The following DENND1B variants were observed in gnomAD, a reference collection of about 807,000 sequenced individuals.
DENND1B encodes DENN domain-containing protein 1B.
DENND1B carries 59 observed loss-of-function variants against 90.1 expected under a neutral mutation model. The observed-to-expected ratio is 0.65, with a 90% CI of 0.53 to 0.81. The LOEUF (loss-of-function observed/expected upper bound fraction) is 0.81, where lower values mean the gene tolerates loss of function less well. Ranked by LOEUF, DENND1B falls within the 40% of genes least tolerant of loss-of-function variation. The probability of loss-of-function intolerance (pLI) is 0.00; values close to 1 mark genes in which losing one functional copy is unlikely to be tolerated. For synonymous variants in DENND1B, 337 were observed against 324.6 expected, an observed-to-expected ratio of 1.04 and a Z score of -0.41; for missense variants, 862 against 912.6, an observed-to-expected ratio of 0.94 and a Z score of 0.71.
intron 14 of DENND1B, among the ~76,000 whole-genome samples, chr1:197,592,228 T>G (rs1164889428): frequency 6.6e-6 from 1 of 151,750 alleles, no homozygotes; most frequent in Non-Finnish European, 1.5e-5. Flanking sequence ...GCCCCACTCT[T>G]CACTAGCTAG....
chr1:197,619,013 A>C (rs549390535), intron 10 of DENND1B, among the ~76,000 whole-genome samples: 2 of 151,360 alleles, frequency 1.3e-5, no homozygotes, highest in South Asian at 4.2e-4. Flanking sequence ...TTTTATTCAA[A>C]GTATATGCAT....
chr1:197,593,364 A>G lies in DENND1B; in HGVS notation c.1047+1844T>C, dbSNP rs1675406289. ...AATGAAAATACTCCTAAAAAAAAAA[A>G]AACTAGCAGCAGAAATGAAAACAGG... On this transcript the variant is annotated intron_variant, in intron 14 of 22. Transcript: ENST00000620048. 2.0e-5 allele frequency among the ~76,000 whole-genome samples: 3 copies of G among 151,736 alleles called. No homozygotes were observed. The South Asian group carries it at 6.2e-4, about 31-fold the overall frequency.
intron 19 of DENND1B, among the ~76,000 whole-genome samples, chr1:197,540,508 T>C (rs906703799): frequency 1.3e-5 from 2 of 152,130 alleles, no homozygotes; most frequent in Non-Finnish European, 2.9e-5. Context: ...GCAATATTCA[T>C]AACTTAAATA....
chr1:197,609,337 A>C (rs1201587504), intron 12 of DENND1B, among the ~76,000 whole-genome samples: 3 of 150,640 alleles, frequency 2.0e-5, no homozygotes, highest in African/African-American at 7.3e-5. Flanking sequence ...GAAATGACAT[A>C]GTGGCAGCAA....
Position 197,679,858 on chromosome 1 carries a change from G to C in DENND1B, c.127-5689C>G, listed in dbSNP as rs1656490119. Among the ~76,000 whole-genome samples, 2 of 115,602 alleles carry C rather than the reference G, an allele frequency of 1.7e-5. 1 individual carries two copies. Among genetic ancestry groups the C allele is most frequent in the South Asian group, 6.3e-4 (2 of 3,190 alleles). The allele number at this position is 115,602 out of a possible 152,430, so 75.8% of individuals were successfully genotyped here. A position where few individuals can be genotyped will look rare whatever the true frequency, so the allele number is the denominator to read the frequency against. ...AATTCTATTAAAAACTGTCTTCAAA[G>C]TTATGCCCCAGCCAGGCATGGTGGC... is the stretch of plus-strand genomic sequence containing the variant. On this transcript the variant is annotated intron_variant, in intron 3 of 22. Coordinates refer to ENST00000620048, the MANE Select transcript of DENND1B (RefSeq NM_001195215.2).
At chr1:197,676,323 C>T (rs984385494) in intron 3 of DENND1B, among the ~76,000 whole-genome samples, 5 of 152,048 alleles carry the variant, frequency 3.3e-5, no homozygotes, top group African/African-American at 1.2e-4. Context: ...TATGGATCCT[C>T]TTAGCAATAG....
chr1:197,742,317 T>C (rs1006353336), intron 2 of DENND1B, among the ~76,000 whole-genome samples: 8 of 152,214 alleles, frequency 5.3e-5, no homozygotes, highest in African/African-American at 1.9e-4. Flanking sequence ...TAGTCTCATA[T>C]TTCTACTGTG....
rs1269155802 is a variant in DENND1B at position 197,510,386 on chromosome 1, C to G, written c.*74G>C. The G allele has an allele frequency of 2.8e-6, 4 of 1,452,546 alleles. No individual in the cohort carries two copies. The Admixed American group carries it at 1.0e-4, about 37-fold the overall frequency. The allele number at this position is 1,452,546 out of a possible 1,614,324, so 90.0% of individuals were successfully genotyped here. A position where few individuals can be genotyped will look rare whatever the true frequency, so the allele number is the denominator to read the frequency against. On this transcript the variant is annotated 3_prime_UTR_variant, in exon 23 of 23. Transcript: ENST00000620048. ...ATTTAAATAGTATGAGTTGCCATTC[C>G]TACAAATAATTCTGTTTATTATACA... is the stretch of plus-strand genomic sequence containing the variant.
chr1:197,674,313 AATTG>A, intron 3 of DENND1B, 144 bp from the exon 4 acceptor site: 1 of 631,928 alleles, frequency 1.6e-6, no homozygotes. Context: ...AGACTAAAAT[AATTG>A]ATTATTAAAA....
At chr1:197,697,004 T>C (rs1388977197) in intron 3 of DENND1B, among the ~76,000 whole-genome samples, 5 of 150,742 alleles carry the variant, frequency 3.3e-5, no homozygotes, top group East Asian at 1.9e-4. Flanking sequence ...GAAGGATTAA[T>C]TTTCAAACTG....
intron 3 of DENND1B, among the ~76,000 whole-genome samples, chr1:197,707,893 G>C (rs1396402253): frequency 6.6e-6 from 1 of 150,522 alleles, no homozygotes; most frequent in Non-Finnish European, 1.5e-5. Flanking sequence ...AGCCGAAGCA[G>C]GGCGAGGCAT....
intron 15 of DENND1B, among the ~76,000 whole-genome samples, chr1:197,575,728 T>C (rs1378514325): frequency 6.6e-6 from 1 of 152,176 alleles, no homozygotes; most frequent in Non-Finnish European, 1.5e-5. Flanking sequence ...GTGGCACATA[T>C]ACGTCATGGA....
In DENND1B at chr1:197,511,894, T is replaced by A; in HGVS notation, c.1649A>T (p.Asp550Val). The A allele has an allele frequency of 1.2e-6, 2 of 1,611,052 alleles. No homozygotes were observed. Among genetic ancestry groups the A allele is most frequent in the Non-Finnish European group, 1.7e-6 (2 of 1,178,036 alleles). Residue 550 changes from aspartate (D) to valine (V), a missense_variant, in exon 22 of 23, where the codon GAT becomes GTT. Transcript: ENST00000620048. ...CTTCACTCTTGTTTCAACAGAGTCA[T>A]CACTCTCATAGAGATAAGCAGAAGC... ...EEASAYLYESDDSVETRVKTP... is the reference protein window; with the variant it reads ...EEASAYLYESVDSVETRVKTP...
chr1:197,715,668 T>C (rs1558436456), intron 2 of DENND1B, among the ~76,000 whole-genome samples: 1 of 151,842 alleles, frequency 6.6e-6, no homozygotes, highest in Non-Finnish European at 1.5e-5. Context: ...TTGCAGGGCA[T>C]TTCACAGAAA....
At chr1:197,562,564 C>G (rs933317209) in intron 15 of DENND1B, among the ~76,000 whole-genome samples, 2 of 151,856 alleles carry the variant, frequency 1.3e-5, no homozygotes, top group African/African-American at 4.8e-5. Flanking sequence ...GGAACCACCC[C>G]CACATAAGTC....
intron 3 of DENND1B, among the ~76,000 whole-genome samples, chr1:197,702,612 C>A (rs1420536680): frequency 3.9e-5 from 6 of 152,188 alleles, no homozygotes. Context: ...TTACTAAGCA[C>A]AATTTGTCTA....
chr1:197,621,977 A>C (rs76613409), intron 10 of DENND1B, among the ~76,000 whole-genome samples: 1 of 151,480 alleles, frequency 6.6e-6, no homozygotes, highest in East Asian at 1.9e-4. Context: ...AAATAGAAAC[A>C]TTGGTAATAC....
chr1:197,570,684 C>T (rs780809701), intron 15 of DENND1B, among the ~76,000 whole-genome samples: 4 of 152,074 alleles, frequency 2.6e-5, no homozygotes, highest in Non-Finnish European at 4.4e-5. Flanking sequence ...AAAGAGGTTA[C>T]CTTTAATGAA....
At chr1:197,672,256 C>T in intron 4 of DENND1B, 100 bp from the exon 5 acceptor site, 1 of 1,355,974 alleles carries the variant, frequency 7.4e-7, no homozygotes, top group Non-Finnish European at 9.9e-7. Context: ...TTGGTTTCAT[C>T]TTTCTAATCA....
Sources: allele counts gnomAD v4.1 joint callset (sites outside exome capture counted in the v4.1 genomes callset), GRCh38; gene constraint gnomAD v4.1.1; transcripts MANE v1.5; gene names NCBI Gene and HGNC (gene_info 2026-07-23, HGNC 2026-07-21).